Variants in SIAE observed in about 807,000 individuals in gnomAD.
The protein encoded by SIAE is sialate O-acetylesterase.
In SIAE, 39 loss-of-function variants were observed where a neutral mutation model predicts 52.6. The observed-to-expected ratio is 0.74, with a 90% CI of 0.57 to 0.97. The LOEUF is 0.97. SIAE is among the 50% of genes least tolerant of loss of function. The probability of loss-of-function intolerance (pLI) is 0.00; values close to 1 mark genes in which losing one functional copy is unlikely to be tolerated. For synonymous variants in SIAE, 233 were observed against 241.4 expected, an observed-to-expected ratio of 0.97 and a Z score of 0.32; for missense variants, 592 against 662.1, an observed-to-expected ratio of 0.89 and a Z score of 1.16.
Position 124,636,074 on chromosome 11 carries a change from T to A in SIAE, c.*877A>T, listed in dbSNP as rs1296445594. 6.6e-6 allele frequency: 1 copy of A among 152,242 alleles called. No individual in the cohort carries two copies. Among genetic ancestry groups the A allele is most frequent in the African/African-American group, 2.4e-5 (1 of 41,454 alleles). The allele number at this position is 152,242 out of a possible 1,614,324, so 9.4% of individuals were successfully genotyped here. A position where few individuals can be genotyped will look rare whatever the true frequency, so the allele number is the denominator to read the frequency against. The stretch of plus-strand genomic sequence containing the variant: ...TATTTAACTCGAACAACAGTTTGCC[T>A]CTGTTGCCCCTGTGTTCATGTTTTC... On this transcript the variant is annotated 3_prime_UTR_variant, in exon 10 of 10. Transcript: ENST00000263593.
At chr11:124,671,465 C>T (rs908180357) in intron 1 of SIAE, among the ~76,000 whole-genome samples, 28 of 152,188 alleles carry the variant, frequency 1.8e-4, no homozygotes, top group African/African-American at 6.5e-4. Flanking sequence ...AAACACACCA[C>T]AAACATTAAT....
intron 3 of SIAE, chr11:124,658,988 T>A (rs1490868978): frequency 6.6e-6 from 1 of 152,248 alleles, no homozygotes; most frequent in Non-Finnish European, 1.5e-5. Flanking sequence ...ACTAAGTGCA[T>A]GATTTAAACA....
At chr11:124,638,502 C>T (rs767730862) in intron 9 of SIAE, 40 bp downstream of exon 9, 3 of 1,605,966 alleles carry the variant, frequency 1.9e-6, no homozygotes, top group East Asian at 2.2e-5. Context: ...CTTGACTCCA[C>T]CACAAAATGA....
chr11:124,644,183 G>C (rs774007228), intron 7 of SIAE, among the ~76,000 whole-genome samples: 4 of 152,042 alleles, frequency 2.6e-5, no homozygotes, highest in Non-Finnish European at 4.4e-5. Flanking sequence ...GATAGAAGGT[G>C]CCACTGAAGC....
At chr11:124,664,728 T>C (rs1943248143) in intron 2 of SIAE, among the ~76,000 whole-genome samples, 1 of 152,244 alleles carries the variant, frequency 6.6e-6, no homozygotes, top group Admixed American at 6.5e-5. Flanking sequence ...TCTTGTTTTT[T>C]CTTCTTGCCA....
chr11:124,654,172 C>T (rs764625456), intron 4 of SIAE: 690 of 945,194 alleles, frequency 7.3e-4, no homozygotes, highest in Non-Finnish European at 8.1e-4. Context: ...ACTGAGACTC[C>T]GTCTCAAAAA....
At chr11:124,640,833 C>T (rs1376295038) in intron 7 of SIAE, among the ~76,000 whole-genome samples, 1 of 152,204 alleles carries the variant, frequency 6.6e-6, no homozygotes, top group Middle Eastern at 3.2e-3. Context: ...GCTCCACTTG[C>T]TCATTTGCAC....
In SIAE at chr11:124,633,436, C is replaced by T. The variant is rs898612189; in HGVS notation, c.*3515G>A. 7 of 152,230 alleles carry T rather than the reference C, an allele frequency of 4.6e-5. No homozygotes were observed. Among genetic ancestry groups the T allele is most frequent in the African/African-American group, 1.4e-4 (6 of 41,424 alleles). 9.4% of individuals were successfully genotyped at this position (152,230 alleles called of 1,614,324 possible). ...TCTGGAAAGGGAGGGACAAAAGGAC[C>T]CAGAAGTAGAAGAATGGGGATGGAG... is the stretch of plus-strand genomic sequence containing the variant. On this transcript the variant is annotated 3_prime_UTR_variant, in exon 10 of 10. Transcript: ENST00000263593.
In SIAE at chr11:124,647,366, T is replaced by C. The variant is rs769535563; in HGVS notation, c.965A>G (p.Gln322Arg). 1.9e-6 allele frequency: 3 copies of C among 1,614,218 alleles called. No individual in the cohort carries two copies. Among genetic ancestry groups the C allele is most frequent in the Non-Finnish European group, 2.5e-6 (3 of 1,180,028 alleles). Reference protein sequence around the residue: ...TERFFPFGLVQLSSDLSKKSS... With the variant: ...TERFFPFGLVRLSSDLSKKSS... ...GAGAAGCCTTTACCCACATCGTACC[T>C]GGACAAGTCCAAATGGGAAGAAACG... Residue 322 changes from glutamine (Q) to arginine (R), a missense_variant and splice_region_variant, in exon 7 of 10, where the codon CAG becomes CGG. By Grantham distance (43) the Gln-to-Arg change is conservative. Transcript: ENST00000263593.
intron 8 of SIAE, 150 bp from the exon 9 acceptor site, chr11:124,638,887 A>C: frequency 1.5e-6 from 1 of 658,888 alleles, no homozygotes; most frequent in East Asian, 2.7e-5. Flanking sequence ...GCTCAAGGGA[A>C]ATGGTGAATG....
Position 124,638,554 on chromosome 11 carries a change from G to A in SIAE, c.1308C>T (p.Asn436=), listed in dbSNP as rs758100977. 6.2e-7 allele frequency: 1 copy of A among 1,614,022 alleles called. No individual in the cohort carries two copies. Among genetic ancestry groups the A allele is most frequent in the African/African-American group, 1.3e-5 (1 of 75,014 alleles). The change falls in exon 9 of 10, where the codon AAC becomes AAT. Residue 436 remains asparagine (N), a synonymous_variant. Coordinates refer to ENST00000263593, the MANE Select transcript of SIAE (RefSeq NM_170601.5). Reference sequence around the variant, plus strand: ...CTGTTCTTCTCACCTCAAATATCTTGTTGTCCTTTTTCTGCACCTGGATTT... The same window carrying A: ...CTGTTCTTCTCACCTCAAATATCTTATTGTCCTTTTTCTGCACCTGGATTT... ...YQQIQVQKKD[N]KIFEISCCSD... is the part of the protein sequence containing the mutation.
intron 1 of SIAE, among the ~76,000 whole-genome samples, chr11:124,671,446 C>T (rs982458873): frequency 1.3e-5 from 2 of 152,166 alleles, no homozygotes; most frequent in Non-Finnish European, 2.9e-5. Context: ...CTGTGGCAGG[C>T]ACAGTGCTAA....
chr11:124,648,061 C>G lies in SIAE; in HGVS notation c.832+5G>C. ...CAATGGAGAAAGAGTACACTGAACA[C>G]TTACCCTGGTACCATACTACCCCTT... On this transcript the variant is annotated splice_donor_5th_base_variant and intron_variant, in intron 6 of 9. Coordinates refer to ENST00000263593, the MANE Select transcript of SIAE (RefSeq NM_170601.5). The G allele has an allele frequency of 6.2e-7, 1 of 1,606,678 alleles. No homozygotes were observed. The highest frequency in any genetic ancestry group is 8.5e-7 in the Non-Finnish European group (1 of 1,173,264).
chr11:124,649,210 T>C (rs1473026528), intron 5 of SIAE, among the ~76,000 whole-genome samples: 1 of 152,106 alleles, frequency 6.6e-6, no homozygotes, highest in Non-Finnish European at 1.5e-5. Flanking sequence ...TGCCACTTAC[T>C]AGTCATGCTC....
chr11:124,648,234 C>A (rs1942969140), intron 5 of SIAE, 59 bp from the exon 6 acceptor site: 2 of 1,288,602 alleles, frequency 1.6e-6, no homozygotes, highest in Non-Finnish European at 2.3e-6. Context: ...ACATAAGGGT[C>A]CCTAATTGGT....
intron 4 of SIAE, 31 bp downstream of exon 4, chr11:124,654,624 T>C (rs1565413680): frequency 6.2e-7 from 1 of 1,614,018 alleles, no homozygotes; most frequent in South Asian, 1.1e-5. Context: ...ACCCATTATA[T>C]AAGAGACAGC....
intron 7 of SIAE, among the ~76,000 whole-genome samples, chr11:124,646,612 A>G (rs1942939790): frequency 6.6e-6 from 1 of 152,232 alleles, no homozygotes; most frequent in Non-Finnish European, 1.5e-5. Context: ...TCTCACAGAC[A>G]GTTGTTAAGA....
At chr11:124,643,432 A>AG (rs1409259553) in intron 7 of SIAE, among the ~76,000 whole-genome samples, 2 of 152,162 alleles carry the variant, frequency 1.3e-5, no homozygotes, top group African/African-American at 4.8e-5. Context: ...CTACAGGAGG[A>AG]GAAAAAAAGG....
At position 124,669,505 on chromosome 11, in the gene SIAE, A is replaced by G; in HGVS notation, c.84T>C (p.Phe28=). The G allele has an allele frequency of 6.2e-7, 1 of 1,614,098 alleles. No homozygotes were observed. The highest frequency in any genetic ancestry group is 8.5e-7 in the Non-Finnish European group (1 of 1,180,036). ...CCATATCATTATTGATGTATGAAGC[A>G]AAGCGAAAACCAATACCTAAAAAAT... ...ADRSAGIGFR[F]ASYINNDMVL... The change falls in exon 2 of 10, where the codon TTT becomes TTC. Residue 28 remains phenylalanine, a synonymous_variant. Transcript: ENST00000263593.
Sources: gnomAD v4.1 joint callset for allele counts (sites outside exome capture counted in the v4.1 genomes callset) on GRCh38, gnomAD v4.1.1 for gene constraint, MANE v1.5 for transcripts, NCBI Gene and HGNC (gene_info 2026-07-23, HGNC 2026-07-21) for gene names.